HYDIN: variants seen among roughly 807,000 people sequenced by gnomAD.
The protein encoded by HYDIN is HYDIN axonemal central pair apparatus protein, also known as axonemal central pair apparatus protein HYDIN.
HYDIN carries 132 observed loss-of-function variants against 403.9 expected under a neutral mutation model. That is an observed-to-expected ratio of 0.33 (90% CI 0.28 to 0.38). The LOEUF (loss-of-function observed/expected upper bound fraction) is 0.38. HYDIN is among the 10% of genes least tolerant of loss of function. The pLI, the probability that HYDIN is intolerant of heterozygous loss-of-function variation, is 1.00. For synonymous variants in HYDIN, 1,202 were observed against 1,891.7 expected, an observed-to-expected ratio of 0.64 and a Z score of 9.46; for missense variants, 2,827 against 5,009.5, an observed-to-expected ratio of 0.56 and a Z score of 13.15.
At chr16:71,168,714 A>G (rs2086345889) in intron 5 of HYDIN, among the ~76,000 whole-genome samples, 1 of 152,148 alleles carries the variant, frequency 6.6e-6, no homozygotes, top group South Asian at 2.1e-4. Flanking sequence ...TGCAGGGCAG[A>G]AGGAGGAGGG....
rs1044501103 is a variant in HYDIN at position 71,143,451 on chromosome 16, A to T, written c.842-6099T>A. Among the ~76,000 whole-genome samples the T allele has an allele frequency of 7.9e-5, 12 of 152,188 alleles. 1 individual carries two copies. Among genetic ancestry groups the T allele is most frequent in the Non-Finnish European group, 1.8e-4 (12 of 68,042 alleles). ...TAGAAACCTTATCTCACTTCCCTAA[A>T]CATTTAAAGCCCTGACAATCAGAGT... On this transcript the variant is annotated intron_variant, in intron 7 of 85. Transcript: ENST00000393567.
intron 17 of HYDIN, among the ~76,000 whole-genome samples, chr16:71,061,896 CAG>C (rs796422517): frequency 1.3e-3 from 118 of 93,722 alleles, no homozygotes; most frequent in Non-Finnish European, 1.4e-3. Context: ...GTGTGTGTGT[CAG>C]AGAGAGAGAG....
At chr16:71,153,280 G>T (rs2144580640) in intron 6 of HYDIN, among the ~76,000 whole-genome samples, 1 of 152,240 alleles carries the variant, frequency 6.6e-6, no homozygotes. Context: ...ATATATCTGA[G>T]CCCCAAAAGG....
chr16:70,983,154 T>TC lies in HYDIN; in HGVS notation c.4333-1587dup, dbSNP rs370214955. Among the ~76,000 whole-genome samples the TC allele has an allele frequency of 8.6e-3, 411 of 47,960 alleles. 14 individuals are homozygous for TC. The highest frequency in any genetic ancestry group is 0.045 in the African/African-American group (381 of 8,536). The allele number at this position is 47,960 out of a possible 152,430, so 31.5% of individuals were successfully genotyped here. A position where few individuals can be genotyped will look rare whatever the true frequency, so the allele number is the denominator to read the frequency against. The stretch of plus-strand genomic sequence containing the variant: ...CTAATCATAAGAATGTGTTAAATGT[T>TC]CCTATTGAAACTTAAGGACTCTCAG... On this transcript the variant is annotated intron_variant, in intron 28 of 85. Coordinates refer to ENST00000393567, the MANE Select transcript of HYDIN (RefSeq NM_001270974.2).
rs1218560403 is a variant in HYDIN at position 70,923,489 on chromosome 16, AG to A, written c.7159-2273del. ...ATCTCCAAAAAAAAAAAAAAAAAAA[AG>A]AAAGAAGGATATTATTAAAAAATAA... On this transcript the variant is annotated intron_variant, in intron 45 of 85. Transcript: ENST00000393567. Among the ~76,000 whole-genome samples the A allele has an allele frequency of 2.4e-3, 231 of 95,586 alleles. 1 individual carries two copies. The highest frequency in any genetic ancestry group is 7.7e-3 in the African/African-American group (201 of 26,040). The allele number at this position is 95,586 out of a possible 152,430, so 62.7% of individuals were successfully genotyped here. A position where few individuals can be genotyped will look rare whatever the true frequency, so the allele number is the denominator to read the frequency against.
At chr16:70,957,293 T>C (rs2143938437) in intron 39 of HYDIN, among the ~76,000 whole-genome samples, 1 of 151,712 alleles carries the variant, frequency 6.6e-6, no homozygotes, top group African/African-American at 2.4e-5. Flanking sequence ...CTCAAGGTTC[T>C]TCCGTGTTGT....
intron 12 of HYDIN, among the ~76,000 whole-genome samples, chr16:71,086,666 A>G (rs2082938314): frequency 6.6e-6 from 1 of 152,202 alleles, no homozygotes; most frequent in Non-Finnish European, 1.5e-5. Flanking sequence ...TGCTTATGAT[A>G]CTGGATGTTG....
At chr16:71,114,698 ACT>A (rs2144461743) in intron 10 of HYDIN, among the ~76,000 whole-genome samples, 1 of 123,150 alleles carries the variant, frequency 8.1e-6, no homozygotes, top group East Asian at 2.6e-4. Flanking sequence ...GAACTCAACA[ACT>A]CTGAGTTCAC....
In HYDIN at chr16:70,802,260, T is replaced by A. The variant is rs2034907660; in HGVS notation, c.*5320A>T. ...CCCTTCGTGTTCATGCCCTGTATTATGCCCTCTTTCAGCGTGAACAAGACT... is the reference window on the plus strand; with the variant it reads ...CCCTTCGTGTTCATGCCCTGTATTAAGCCCTCTTTCAGCGTGAACAAGACT... On this transcript the variant is annotated 3_prime_UTR_variant, in exon 86 of 86. Coordinates refer to ENST00000393567, the MANE Select transcript of HYDIN (RefSeq NM_001270974.2). 1 of 152,230 alleles carries A rather than the reference T, an allele frequency of 6.6e-6. No individual in the cohort carries two copies. The highest frequency in any genetic ancestry group is 1.5e-5 in the Non-Finnish European group (1 of 68,032). The allele number at this position is 152,230 out of a possible 1,614,324, so 9.4% of individuals were successfully genotyped here. A position where few individuals can be genotyped will look rare whatever the true frequency, so the allele number is the denominator to read the frequency against.
chr16:71,196,236 T>G (rs1485984377), intron 1 of HYDIN, among the ~76,000 whole-genome samples: 3 of 152,218 alleles, frequency 2.0e-5, no homozygotes, highest in Non-Finnish European at 4.4e-5. Context: ...CAGCTAAACA[T>G]TATTTCTGGG....
At position 70,806,114 on chromosome 16, in the gene HYDIN, C is replaced by G. The variant is rs578130920; in HGVS notation, c.*1466G>C. Among the ~76,000 whole-genome samples, 72 of 152,264 alleles carry G rather than the reference C, an allele frequency of 4.7e-4. No individual in the cohort carries two copies. The highest frequency in any genetic ancestry group is 8.8e-4 in the Non-Finnish European group (60 of 68,026). Reference sequence around the variant, plus strand: ...ATTTAGTTTAATAATGGCCCCAAAGCACATGGGTAGTGATGCTGGCATATT... The same window carrying G: ...ATTTAGTTTAATAATGGCCCCAAAGGACATGGGTAGTGATGCTGGCATATT... On this transcript the variant is annotated 3_prime_UTR_variant, in exon 86 of 86. Coordinates refer to ENST00000393567, the MANE Select transcript of HYDIN (RefSeq NM_001270974.2).
intron 12 of HYDIN, among the ~76,000 whole-genome samples, chr16:71,085,781 T>C (rs1354108671): frequency 5.9e-5 from 9 of 152,258 alleles, no homozygotes; most frequent in African/African-American, 2.2e-4. Flanking sequence ...TCCAGCTTTC[T>C]TTTGGTACTG....
rs2077732364 is a variant in HYDIN at position 70,943,069 on chromosome 16, G to T, written c.6669+743C>A. On this transcript the variant is annotated intron_variant, in intron 42 of 85. Transcript: ENST00000393567. ...ATTTAAATCTGCAATTAATATTGTG[G>T]CCCTAGTTGAGAACACAAAGCAAAC... is the stretch of plus-strand genomic sequence containing the variant. Among the ~76,000 whole-genome samples the T allele has an allele frequency of 2.0e-5, 3 of 152,088 alleles. No homozygotes were observed. In the South Asian group the frequency reaches 6.2e-4, roughly 32 times the overall value.
At chr16:71,107,633 T>C (rs1181006821) in intron 10 of HYDIN, among the ~76,000 whole-genome samples, 1 of 151,934 alleles carries the variant, frequency 6.6e-6, no homozygotes, top group Admixed American at 6.6e-5. Flanking sequence ...TATCATCTCA[T>C]ATAGTCAGAA....
At chr16:71,048,142 C>T (rs2081512294) in intron 18 of HYDIN, among the ~76,000 whole-genome samples, 2 of 150,546 alleles carry the variant, frequency 1.3e-5, no homozygotes, top group African/African-American at 2.4e-5. Context: ...ATCCTCCAGG[C>T]TCATCTATGC....
chr16:70,872,419 A>AC (rs958770497), intron 64 of HYDIN, among the ~76,000 whole-genome samples: 3 of 138,720 alleles, frequency 2.2e-5, no homozygotes, highest in Admixed American at 6.8e-5. Context: ...TCCATCATCC[A>AC]CCCACCCATC....
At chr16:70,947,090 G>C (rs1353919865) in intron 41 of HYDIN, among the ~76,000 whole-genome samples, 1 of 148,840 alleles carries the variant, frequency 6.7e-6, no homozygotes, top group Non-Finnish European at 1.5e-5. Flanking sequence ...AATAGGAGTG[G>C]TGAGAGAGGG....
chr16:71,057,087 C>T (rs1378153301), intron 18 of HYDIN, among the ~76,000 whole-genome samples: 9 of 108,074 alleles, frequency 8.3e-5, no homozygotes, highest in African/African-American at 2.8e-4. Flanking sequence ...TCTCGGCTCA[C>T]TGGACAGAGA....
At chr16:70,854,422 T>A (rs531042885) in intron 73 of HYDIN, among the ~76,000 whole-genome samples, 2,138 of 146,378 alleles carry the variant, frequency 0.015, 53 homozygotes, top group African/African-American at 0.051. Context: ...TATTTATTAA[T>A]TTTTTTTTTG....
Sources: gnomAD v4.1 joint callset for allele counts (sites outside exome capture counted in the v4.1 genomes callset) on GRCh38, gnomAD v4.1.1 for gene constraint, MANE v1.5 for transcripts, NCBI Gene and HGNC (gene_info 2026-07-23, HGNC 2026-07-21) for gene names.